Variants in CNTN5 observed in about 807,000 individuals in gnomAD.
The protein encoded by CNTN5 is contactin-5.
A neutral mutation model predicts 129.1 loss-of-function variants in CNTN5; 77 were observed. That is an observed-to-expected ratio of 0.60 (90% CI 0.50 to 0.72). The LOEUF (loss-of-function observed/expected upper bound fraction) is 0.72, where lower values mean the gene tolerates loss of function less well. Among genes scored for constraint, CNTN5 ranks in the 30% least tolerant of loss-of-function variants. The probability of loss-of-function intolerance (pLI) is 0.00; values close to 1 mark genes in which losing one functional copy is unlikely to be tolerated. For missense variants in CNTN5, 1,478 were observed against 1,328.8 expected (o/e 1.11, Z -1.75); for synonymous variants, 509 against 465.6 (o/e 1.09, Z -1.20).
At position 100,274,093 on chromosome 11, in the gene CNTN5, A is replaced by T. The variant is rs549586858; in HGVS notation, c.2314+2852A>T. Among the ~76,000 whole-genome samples, 13 of 152,316 alleles carry T rather than the reference A, an allele frequency of 8.5e-5. No individual in the cohort carries two copies. In the East Asian group the frequency reaches 2.3e-3, roughly 27 times the overall value. ...AACTCCTACAACCATCTGATTTTCG[A>T]CAAATCTGACAAAAACAAGCACTGG... On this transcript the variant is annotated intron_variant, in intron 18 of 24. Transcript: ENST00000524871.
intron 18 of CNTN5, 115 bp from the exon 19 acceptor site, chr11:100,297,510 T>A (rs1951121636): frequency 1.3e-6 from 1 of 765,296 alleles, no homozygotes; most frequent in African/African-American, 1.7e-5. Flanking sequence ...TATTTTGTTT[T>A]AATCTTTAAT....
intron 3 of CNTN5, among the ~76,000 whole-genome samples, chr11:99,653,098 T>G (rs600627): frequency 0.61 from 92,944 of 151,684 alleles, 29,435 homozygotes; most frequent in Admixed American, 0.7. Context: ...ATTTTATTGG[T>G]GACAACTTTG....
At chr11:99,044,768 T>C (rs899272220) in intron 1 of CNTN5, among the ~76,000 whole-genome samples, 1 of 152,130 alleles carries the variant, frequency 6.6e-6, no homozygotes, top group Non-Finnish European at 1.5e-5. Flanking sequence ...GGGTCCTCTA[T>C]AAAGTGTCAG....
intron 13 of CNTN5, among the ~76,000 whole-genome samples, chr11:100,188,484 A>G (rs987303743): frequency 2.0e-5 from 3 of 152,098 alleles, no homozygotes; most frequent in Admixed American, 6.6e-5. Flanking sequence ...AAACATACGA[A>G]AAAATGATCC....
At chr11:99,755,634 T>A (rs1231463073) in intron 3 of CNTN5, among the ~76,000 whole-genome samples, 3 of 152,134 alleles carry the variant, frequency 2.0e-5, no homozygotes, top group African/African-American at 7.2e-5. Context: ...AAGATATGTT[T>A]TTGCAAATAT....
chr11:99,782,082 C>A (rs868440183), intron 3 of CNTN5, among the ~76,000 whole-genome samples: 3 of 150,864 alleles, frequency 2.0e-5, no homozygotes, highest in Non-Finnish European at 2.9e-5. Flanking sequence ...AAAACCCCAT[C>A]GTCTCAGCCC....
chr11:99,083,907 T>C (rs1865901638), intron 1 of CNTN5, among the ~76,000 whole-genome samples: 1 of 152,218 alleles, frequency 6.6e-6, no homozygotes, highest in Admixed American at 6.5e-5. Flanking sequence ...GCCCTTAATG[T>C]AGATTTCTGG....
At chr11:99,646,827 A>G (rs371871821) in intron 3 of CNTN5, among the ~76,000 whole-genome samples, 1 of 139,758 alleles carries the variant, frequency 7.2e-6, no homozygotes, top group Non-Finnish European at 1.6e-5. Flanking sequence ...AAAAAAAAAA[A>G]GGAAAAAAAC....
chr11:99,686,625 T>C (rs1212402469), intron 3 of CNTN5, among the ~76,000 whole-genome samples: 2 of 152,284 alleles, frequency 1.3e-5, no homozygotes, highest in Admixed American at 1.3e-4. Flanking sequence ...CTGTAATGCA[T>C]ATAAGCTTAG....
At position 99,920,828 on chromosome 11, in the gene CNTN5, A is replaced by G. The variant is rs548498759; in HGVS notation, c.673+4679A>G. On this transcript the variant is annotated intron_variant, in intron 7 of 24. Transcript: ENST00000524871. ...AACACTTGCCAACTAATACCAGCAC[A>G]TTGGCAGTTAGGATTTCAACATACT... Among the ~76,000 whole-genome samples the G allele has an allele frequency of 1.2e-4, 18 of 152,256 alleles. No homozygotes were observed. The East Asian group carries it at 2.9e-3, about 25-fold the overall frequency.
At chr11:99,132,220 A>C (rs1284311251) in intron 1 of CNTN5, among the ~76,000 whole-genome samples, 1 of 152,128 alleles carries the variant, frequency 6.6e-6, no homozygotes, top group Non-Finnish European at 1.5e-5. Flanking sequence ...TAAAAAAAAA[A>C]AACTCTCAAT....
intron 23 of CNTN5, among the ~76,000 whole-genome samples, chr11:100,345,489 C>T (rs1033578562): frequency 1.3e-5 from 2 of 151,766 alleles, no homozygotes; most frequent in African/African-American, 4.8e-5. Flanking sequence ...CTTTCTTACT[C>T]GATTTCAGAC....
intron 13 of CNTN5, among the ~76,000 whole-genome samples, chr11:100,102,484 G>T (rs887114418): frequency 1.5e-4 from 23 of 151,950 alleles, no homozygotes; most frequent in Non-Finnish European, 2.8e-4. Flanking sequence ...AAGACAGAAA[G>T]AATGTAGAGC....
At chr11:99,100,579 C>A (rs1392261101) in intron 1 of CNTN5, among the ~76,000 whole-genome samples, 1 of 151,880 alleles carries the variant, frequency 6.6e-6, no homozygotes, top group African/African-American at 2.4e-5. Context: ...ATCTATTAAG[C>A]TTTAACAAGG....
intron 7 of CNTN5, among the ~76,000 whole-genome samples, chr11:99,941,171 C>T (rs1173786849): frequency 6.6e-6 from 1 of 151,964 alleles, no homozygotes; most frequent in Non-Finnish European, 1.5e-5. Context: ...GGGACCTATA[C>T]AATTTAGCTA....
At chr11:100,307,085 T>G (rs2138917500) in intron 20 of CNTN5, among the ~76,000 whole-genome samples, 1 of 151,770 alleles carries the variant, frequency 6.6e-6, no homozygotes, top group Admixed American at 6.6e-5. Context: ...GACTGATATA[T>G]TTCAATTAAT....
At chr11:99,125,780 A>C (rs149905591) in intron 1 of CNTN5, among the ~76,000 whole-genome samples, 1 of 152,208 alleles carries the variant, frequency 6.6e-6, no homozygotes, top group African/African-American at 2.4e-5. Context: ...CATTATTTTC[A>C]CTTTTAATAG....
At chr11:99,744,819 A>G (rs1012718113) in intron 3 of CNTN5, among the ~76,000 whole-genome samples, 6 of 152,218 alleles carry the variant, frequency 3.9e-5, no homozygotes, top group Admixed American at 3.3e-4. Context: ...CTCTTTAAGC[A>G]CAGAAGAAGT....
chr11:99,333,972 TCACACACA>T lies in CNTN5; in HGVS notation c.-71+8507_-71+8514del, dbSNP rs3990852. 1.0e-4 allele frequency among the ~76,000 whole-genome samples: 15 copies of T among 149,206 alleles called. No individual in the cohort carries two copies. In the South Asian group the frequency reaches 2.8e-3, roughly 27 times the overall value. ...CTCATCAACTTTCTCTCTCTCTCTC[TCACACACA>T]CACACACACACACACACAGTGCATT... On this transcript the variant is annotated intron_variant, in intron 2 of 24. Transcript: ENST00000524871.
Sources: allele counts gnomAD v4.1 joint callset (sites outside exome capture counted in the v4.1 genomes callset), GRCh38; gene constraint gnomAD v4.1.1; transcripts MANE v1.5; gene names NCBI Gene and HGNC (gene_info 2026-07-23, HGNC 2026-07-21).